The following EPB41L4A variants were observed in gnomAD, a reference collection of about 807,000 sequenced individuals.
EPB41L4A encodes the protein band 4.1-like protein 4A.
Under a neutral mutation model 108.6 loss-of-function variants are expected in EPB41L4A, and 100 were observed. That is an observed-to-expected ratio of 0.92 (90% confidence interval 0.78 to 1.09). The LOEUF is 1.09. Among genes scored for constraint, EPB41L4A ranks in the 50% least tolerant of loss-of-function variants. The pLI, the probability that EPB41L4A is intolerant of heterozygous loss-of-function variation, is 0.00. For synonymous variants in EPB41L4A, 319 were observed against 289.0 expected (o/e 1.10, Z -1.05); for missense variants, 1,030 against 842.7 (o/e 1.22, Z -2.75).
At chr5:112,364,561 G>C (rs1343621593) in intron 1 of EPB41L4A, among the ~76,000 whole-genome samples, 1 of 152,112 alleles carries the variant, frequency 6.6e-6, no homozygotes, top group Non-Finnish European at 1.5e-5. Context: ...AAACTCAGTG[G>C]GGCAAGGGGG....
intron 15 of EPB41L4A, among the ~76,000 whole-genome samples, chr5:112,199,849 C>T (rs1018909588): frequency 6.6e-6 from 1 of 152,206 alleles, no homozygotes; most frequent in Non-Finnish European, 1.5e-5. Context: ...CTTTATATTT[C>T]CACATCACCA....
chr5:112,403,234 T>A (rs186602109), intron 1 of EPB41L4A, among the ~76,000 whole-genome samples: 217 of 151,628 alleles, frequency 1.4e-3, no homozygotes, highest in African/African-American at 4.9e-3. Flanking sequence ...GCTTTCCCAA[T>A]GCATGTAATG....
chr5:112,279,459 G>A (rs1752826240), intron 3 of EPB41L4A, among the ~76,000 whole-genome samples: 1 of 152,166 alleles, frequency 6.6e-6, no homozygotes, highest in Non-Finnish European at 1.5e-5. Context: ...GCTTTAATGG[G>A]GAACAGAGTT....
chr5:112,168,017 G>A (rs919243), intron 22 of EPB41L4A, among the ~76,000 whole-genome samples: 15,221 of 152,188 alleles, frequency 0.1, 813 homozygotes, highest in Middle Eastern at 0.14. Context: ...GACGAACAAC[G>A]GGCTGACCCT....
chr5:112,333,496 A>G (rs1234080348), intron 1 of EPB41L4A, among the ~76,000 whole-genome samples: 1 of 152,204 alleles, frequency 6.6e-6, no homozygotes, highest in African/African-American at 2.4e-5. Context: ...ACATATTGAC[A>G]GACAAAGCAG....
At chr5:112,357,297 T>G (rs1580749317) in intron 1 of EPB41L4A, among the ~76,000 whole-genome samples, 1 of 152,234 alleles carries the variant, frequency 6.6e-6, no homozygotes, top group Admixed American at 6.5e-5. Flanking sequence ...CGACCTGAGC[T>G]GCCCATAATA....
At chr5:112,271,474 C>T (rs576401679) in intron 4 of EPB41L4A, among the ~76,000 whole-genome samples, 18 of 152,260 alleles carry the variant, frequency 1.2e-4, no homozygotes, top group Admixed American at 2.6e-4. Flanking sequence ...TCCCATTGCA[C>T]GGATGAAAAA....
chr5:112,410,105 G>C (rs1360014641), intron 1 of EPB41L4A, among the ~76,000 whole-genome samples: 1 of 152,174 alleles, frequency 6.6e-6, no homozygotes, highest in African/African-American at 2.4e-5. Context: ...TCTCCTTCAT[G>C]AGAGCTGATA....
At chr5:112,403,094 T>G (rs1761877628) in intron 1 of EPB41L4A, among the ~76,000 whole-genome samples, 1 of 151,710 alleles carries the variant, frequency 6.6e-6, no homozygotes, top group Admixed American at 6.6e-5. Context: ...GAGCCTCTAG[T>G]TTTTTCACCC....
intron 1 of EPB41L4A, among the ~76,000 whole-genome samples, chr5:112,384,806 TAAAAG>T (rs893486014): frequency 4.9e-5 from 7 of 144,054 alleles, no homozygotes; most frequent in East Asian, 2.0e-4. Flanking sequence ...GGAAGGAAGT[TAAAAG>T]AAAAGAAAAG....
intron 2 of EPB41L4A, among the ~76,000 whole-genome samples, chr5:112,290,627 A>G (rs184039212): frequency 6.6e-6 from 1 of 152,328 alleles, no homozygotes; most frequent in East Asian, 1.9e-4. Context: ...AATGTGGATA[A>G]GTGAGGCATC....
chr5:112,404,905 A>C (rs1157636812), intron 1 of EPB41L4A, among the ~76,000 whole-genome samples: 1 of 152,152 alleles, frequency 6.6e-6, no homozygotes. Context: ...TCAGAGACAC[A>C]GTCCATCCTC....
chr5:112,213,308 A>C (rs1747351134), intron 12 of EPB41L4A, among the ~76,000 whole-genome samples: 1 of 151,996 alleles, frequency 6.6e-6, no homozygotes, highest in South Asian at 2.1e-4. Flanking sequence ...TATATTCAAA[A>C]TGGTAATCTA....
At chr5:112,249,223 G>C (rs1271068974) in intron 9 of EPB41L4A, 1 of 152,186 alleles carries the variant, frequency 6.6e-6, no homozygotes, top group Non-Finnish European at 1.5e-5. Context: ...AAAGTACTGT[G>C]AGATTTTTGC....
chr5:112,155,291 C>T (rs1045336582), intron 12 of EPB41L4A, among the ~76,000 whole-genome samples: 6 of 151,570 alleles, frequency 4.0e-5, no homozygotes, highest in Non-Finnish European at 8.8e-5. Flanking sequence ...ATCTCTCAAA[C>T]AACATTTCAG....
chr5:112,356,522 TA>T (rs1216052736), intron 1 of EPB41L4A, among the ~76,000 whole-genome samples: 1 of 152,226 alleles, frequency 6.6e-6, no homozygotes, highest in African/African-American at 2.4e-5. Context: ...GATACTATGC[TA>T]GAAAGTGCTT....
At chr5:112,379,032 T>G (rs1759999302) in intron 1 of EPB41L4A, among the ~76,000 whole-genome samples, 1 of 152,134 alleles carries the variant, frequency 6.6e-6, no homozygotes, top group Non-Finnish European at 1.5e-5. Context: ...GATGTGCACA[T>G]ACACAAACAC....
chr5:112,220,835 C>T (rs1372868953), intron 12 of EPB41L4A, among the ~76,000 whole-genome samples: 1 of 152,130 alleles, frequency 6.6e-6, no homozygotes, highest in Admixed American at 6.5e-5. Flanking sequence ...TCCTGCTTTA[C>T]CCAGAGGGAG....
At chr5:112,228,864 G>T in intron 12 of EPB41L4A, 1 of 356,508 alleles carries the variant, frequency 2.8e-6, no homozygotes, top group Non-Finnish European at 3.9e-6. Context: ...CCTCTGGGTG[G>T]GGAAGCAGGC....
Sources: allele counts gnomAD v4.1 joint callset (sites outside exome capture counted in the v4.1 genomes callset), GRCh38; gene constraint gnomAD v4.1.1; transcripts MANE v1.5; gene names NCBI Gene and HGNC (gene_info 2026-07-23, HGNC 2026-07-21).